Variants in PUM1 observed in about 807,000 individuals in gnomAD.
The protein encoded by PUM1 is pumilio homolog 1.
In PUM1, 13 loss-of-function variants were observed where a neutral mutation model predicts 131.8. That is an observed-to-expected ratio of 0.10 (90% CI 0.06 to 0.16). PUM1 has a LOEUF of 0.16. Ranked by LOEUF, PUM1 falls within the 10% of genes least tolerant of loss-of-function variation. The pLI, the probability that PUM1 is intolerant of heterozygous loss-of-function variation, is 1.00. For missense variants in PUM1, 961 were observed against 1,512.4 expected (o/e 0.64, Z 6.05); for synonymous variants, 509 against 556.5 (o/e 0.91, Z 1.20).
chr1:31,012,528 T>C (rs896341095), intron 3 of PUM1, among the ~76,000 whole-genome samples: 4 of 72,244 alleles, frequency 5.5e-5, no homozygotes, highest in Non-Finnish European at 1.2e-4. Context: ...CGTAAGTTTA[T>C]AAAATAAAAA....
At chr1:31,061,023 T>C (rs541333757) in intron 1 of PUM1, among the ~76,000 whole-genome samples, 2 of 152,300 alleles carry the variant, frequency 1.3e-5, no homozygotes, top group South Asian at 4.1e-4. Flanking sequence ...CTCTCCTCAG[T>C]TGTCACTGAT....
At chr1:31,007,345 C>T (rs1642430583) in intron 3 of PUM1, among the ~76,000 whole-genome samples, 1 of 152,044 alleles carries the variant, frequency 6.6e-6, no homozygotes, top group Non-Finnish European at 1.5e-5. Context: ...CCAATAGAGG[C>T]TGAACTTAAA....
intron 2 of PUM1, among the ~76,000 whole-genome samples, chr1:31,041,274 G>C (rs1183578299): frequency 6.6e-6 from 1 of 152,092 alleles, no homozygotes; most frequent in African/African-American, 2.4e-5. Context: ...TGGGGGTCTT[G>C]GTATGTTGCC....
intron 19 of PUM1, 30 bp downstream of exon 19, chr1:30,941,968 T>C (rs1202256768): frequency 6.6e-7 from 1 of 1,526,176 alleles, no homozygotes; most frequent in Non-Finnish European, 8.9e-7. Flanking sequence ...CCACAGGTGT[T>C]CGCAGTTCCT....
At chr1:30,987,288 C>T (rs1369009825) in intron 7 of PUM1, among the ~76,000 whole-genome samples, 2 of 151,798 alleles carry the variant, frequency 1.3e-5, no homozygotes, top group Non-Finnish European at 2.9e-5. Flanking sequence ...CCTCCGCCTC[C>T]TGGGTTCAGG....
Position 31,053,212 on chromosome 1 carries a change from G to C in PUM1, c.363+5992C>G, listed in dbSNP as rs1326701681. On this transcript the variant is annotated intron_variant, in intron 2 of 21. Transcript: ENST00000426105. The stretch of plus-strand genomic sequence containing the variant: ...AGTAGAGACAGGGTTTCACCATGTT[G>C]GCTGGTCTCAAACGCCTGACCTCGT... 2.7e-5 allele frequency among the ~76,000 whole-genome samples: 4 copies of C among 149,746 alleles called. No individual in the cohort carries two copies. In the East Asian group the frequency reaches 8.1e-4, roughly 30 times the overall value.
chr1:31,022,925 T>C (rs1643085348), intron 3 of PUM1, among the ~76,000 whole-genome samples: 1 of 152,106 alleles, frequency 6.6e-6, no homozygotes, highest in Non-Finnish European at 1.5e-5. Flanking sequence ...TCCCAGCGCT[T>C]TGGGAGGCAG....
intron 2 of PUM1, among the ~76,000 whole-genome samples, chr1:31,045,421 G>A (rs957846286): frequency 6.6e-6 from 1 of 152,076 alleles, no homozygotes; most frequent in Non-Finnish European, 1.5e-5. Flanking sequence ...TTACAGGCTT[G>A]AGCCACTGCA....
At position 31,003,189 on chromosome 1, in the gene PUM1, C is replaced by T. The variant is rs1314673286; in HGVS notation, c.720+2664G>A. 2.0e-5 allele frequency among the ~76,000 whole-genome samples: 3 copies of T among 152,140 alleles called. No homozygotes were observed. The East Asian group carries it at 5.8e-4, about 29-fold the overall frequency. ...TAAAAATACGTGGATGCCCTGACCCCATACACTACCAAGTACCACTCCTCC... is the reference window on the plus strand; with the variant it reads ...TAAAAATACGTGGATGCCCTGACCCTATACACTACCAAGTACCACTCCTCC... On this transcript the variant is annotated intron_variant, in intron 5 of 21. Coordinates refer to ENST00000426105, the MANE Select transcript of PUM1 (RefSeq NM_001020658.2).
chr1:30,974,968 A>G, intron 9 of PUM1, 166 bp from the exon 10 acceptor site: 1 of 503,226 alleles, frequency 2.0e-6, no homozygotes, highest in Non-Finnish European at 3.4e-6. Flanking sequence ...AATAGTAAAC[A>G]TTATATGAGA....
At chr1:31,030,844 G>C (rs4949332) in intron 2 of PUM1, among the ~76,000 whole-genome samples, 104,861 of 152,140 alleles carry the variant, frequency 0.69, 37,569 homozygotes, top group East Asian at 0.87. Flanking sequence ...TTTTAAAAAC[G>C]CACAGCCAAT....
chr1:31,037,696 G>A (rs753368485), intron 2 of PUM1, among the ~76,000 whole-genome samples: 6 of 151,796 alleles, frequency 4.0e-5, no homozygotes, highest in Non-Finnish European at 8.8e-5. Context: ...GACAAAGCAC[G>A]ATTCAGTCTC....
intron 17 of PUM1, among the ~76,000 whole-genome samples, chr1:30,948,016 C>A (rs1046302101): frequency 3.3e-5 from 5 of 151,900 alleles, no homozygotes; most frequent in African/African-American, 4.8e-5. Flanking sequence ...CCACCATGCC[C>A]AGCCAACTTT....
At chr1:30,950,371 CT>C in intron 16 of PUM1, 110 bp from the exon 17 acceptor site, 1 of 1,125,758 alleles carries the variant, frequency 8.9e-7, no homozygotes, top group Non-Finnish European at 1.2e-6. Context: ...TCTTTTAGCC[CT>C]GATACCCATG....
At chr1:31,050,954 A>C in intron 2 of PUM1, 1 of 181,554 alleles carries the variant, frequency 5.5e-6, no homozygotes, top group Admixed American at 5.2e-5. Context: ...TCAGACCAGC[A>C]AGATCTGATC....
chr1:31,009,778 A>AAAAC lies in PUM1; in HGVS notation c.433-2677_433-2676insGTTT, dbSNP rs1553150233. Reference sequence around the variant, plus strand: ...GCAAGACTCTGTCTCAAAAAAAAAAAAAAAAAAAACAAAAACAGAAACAAA... The same window carrying AAAAC: ...GCAAGACTCTGTCTCAAAAAAAAAAAAAACAAAAAAAAACAAAAACAGAAACAAA... On this transcript the variant is annotated intron_variant, in intron 3 of 21. Transcript: ENST00000426105. Among the ~76,000 whole-genome samples, 88 of 106,778 alleles carry AAAAC rather than the reference A, an allele frequency of 8.2e-4. 1 individual carries two copies. The Middle Eastern group carries it at 0.049, about 60-fold the overall frequency. 70.1% of individuals were successfully genotyped at this position (106,778 alleles called of 152,430 possible).
Position 30,967,281 on chromosome 1 carries a change from A to G in PUM1, c.1675T>C (p.Tyr559His), listed in dbSNP as rs1424673016. Residue 559 changes from tyrosine (Y) to histidine (H), a missense_variant, in exon 12 of 22, where the codon TAT becomes CAT. Tyr to His is a moderately conservative substitution (Grantham distance 83, BLOSUM62 2). Coordinates refer to ENST00000426105, the MANE Select transcript of PUM1 (RefSeq NM_001020658.2). ...GYPVLAPAAY[Y>H]DQTGALVVNA... ...ACTACAAGGGCACCAGTTTGGTCAT[A>G]GTAAGCAGCAGGAGCCAACACCGGA... 1.2e-6 allele frequency: 2 copies of G among 1,613,928 alleles called. No individual in the cohort carries two copies. Among genetic ancestry groups the G allele is most frequent in the African/African-American group, 1.3e-5 (1 of 74,922 alleles).
intron 3 of PUM1, among the ~76,000 whole-genome samples, chr1:31,007,791 A>C (rs529585960): frequency 6.6e-6 from 1 of 152,372 alleles, no homozygotes; most frequent in African/African-American, 2.4e-5. Flanking sequence ...AGAAACAGGG[A>C]TCGCTGGCCA....
At chr1:31,043,666 G>C (rs1643890884) in intron 2 of PUM1, among the ~76,000 whole-genome samples, 1 of 152,114 alleles carries the variant, frequency 6.6e-6, no homozygotes, top group Non-Finnish European at 1.5e-5. Flanking sequence ...CATCTAAAGA[G>C]TTTACGGAGC....
Sources: gnomAD v4.1 joint callset for allele counts (sites outside exome capture counted in the v4.1 genomes callset) on GRCh38, gnomAD v4.1.1 for gene constraint, MANE v1.5 for transcripts, NCBI Gene and HGNC (gene_info 2026-07-23, HGNC 2026-07-21) for gene names.